PLEKHJ1: variants seen among roughly 807,000 people sequenced by gnomAD.
PLEKHJ1 encodes the protein pleckstrin homology domain containing J1, also known as pleckstrin homology domain-containing family J member 1.
Under a neutral mutation model 21.7 loss-of-function variants are expected in PLEKHJ1, and 20 were observed. The observed-to-expected ratio is 0.92, with a 90% CI of 0.65 to 1.34. The LOEUF (loss-of-function observed/expected upper bound fraction) is 1.34. Ranked by LOEUF, PLEKHJ1 falls within the 40% of genes most tolerant of loss-of-function variation. The pLI, the probability that PLEKHJ1 is intolerant of heterozygous loss-of-function variation, is 0.00. For synonymous variants in PLEKHJ1, 113 were observed against 80.6 expected, an observed-to-expected ratio of 1.40 and a Z score of -2.15; for missense variants, 241 against 202.0, an observed-to-expected ratio of 1.19 and a Z score of -1.17.
rs1431881378 is a variant in PLEKHJ1, at chr19:2,234,151, T to C, written c.319A>G (p.Ser107Gly). Residue 107 changes from serine to glycine, a missense_variant and splice_region_variant, in exon 4 of 6, where the codon AGC becomes GGC. Transcript: ENST00000326631. ...GTGCCCACCACCGCCTGGCCCCACC[T>C]GGCCCGACGCAGAGCCTCCATCCAC... ...QEWMEALRRASYEFMRRSLIF... is the reference protein window; with the variant it reads ...QEWMEALRRAGYEFMRRSLIF... 1.2e-6 allele frequency: 2 copies of C among 1,612,374 alleles called. No homozygotes were observed. The highest frequency in any genetic ancestry group is 1.3e-5 in the African/African-American group (1 of 75,042).
chr19:2,233,649 G>A lies in PLEKHJ1; in HGVS notation c.*191C>T, dbSNP rs1349261993. ...CGCTACTTGGGAAGCTGAGGCAGGA[G>A]GATCACTTGAGTCCAGAAGGTCAAG... On this transcript the variant is annotated 3_prime_UTR_variant, in exon 6 of 6. Transcript: ENST00000326631. 13 of 584,098 alleles carry A rather than the reference G, an allele frequency of 2.2e-5. No individual in the cohort carries two copies. The highest frequency in any genetic ancestry group is 1.4e-4 in the East Asian group (5 of 35,240). The allele number at this position is 584,098 out of a possible 1,614,324, so 36.2% of individuals were successfully genotyped here.
chr19:2,235,959 C>T lies in PLEKHJ1; in HGVS notation c.126G>A (p.Val42=), dbSNP rs1599647287. The change falls in exon 2 of 6, where the codon GTG becomes GTA. Residue 42 remains valine, a synonymous_variant. Coordinates refer to ENST00000326631, the MANE Select transcript of PLEKHJ1 (RefSeq NM_018049.3). ...CTGTCCGAAAGTAGAAGAGGAAATTCACCACCAGCTTCACCAGCCGCCGCT... is the reference window on the plus strand; with the variant it reads ...CTGTCCGAAAGTAGAAGAGGAAATTTACCACCAGCTTCACCAGCCGCCGCT... ...VLKRRLVKLV[V]NFLFYFRTDE... 6.2e-7 allele frequency: 1 copy of T among 1,610,412 alleles called. No individual in the cohort carries two copies. The highest frequency in any genetic ancestry group is 8.5e-7 in the Non-Finnish European group (1 of 1,179,068).
chr19:2,235,727 CG>C (rs1568385411), intron 3 of PLEKHJ1, 34 bp downstream of exon 3: 1 of 1,533,264 alleles, frequency 6.5e-7, no homozygotes, highest in East Asian at 2.5e-5. Flanking sequence ...CCCCGGGCTG[CG>C]GGAAGCGCCG....
At chr19:2,232,291 A>C (rs1344623854), downstream of PLEKHJ1, 2 of 206,582 alleles carry the variant, frequency 9.7e-6, no homozygotes, top group Non-Finnish European at 2.0e-5. Context: ...CCCTTAATTT[A>C]TCTGCCCCCA....
downstream of PLEKHJ1, among the ~76,000 whole-genome samples, chr19:2,232,946 A>AG (rs2024665238): frequency 6.6e-6 from 1 of 152,100 alleles, no homozygotes; most frequent in South Asian, 2.1e-4. Flanking sequence ...GCAGGACCCC[A>AG]GGTCACCACA....
chr19:2,234,870 C>T (rs1040296946), intron 3 of PLEKHJ1: 4 of 152,226 alleles, frequency 2.6e-5, no homozygotes, highest in Non-Finnish European at 4.4e-5. Context: ...CATGGTGGCG[C>T]GTGCCTGTAG....
At chr19:2,230,070 A>T (rs2024532256), downstream of PLEKHJ1, 3 of 601,368 alleles carry the variant, frequency 5.0e-6, no homozygotes, top group Admixed American at 3.1e-5. Flanking sequence ...CAACTTATTG[A>T]GAAATATAAA....
downstream of PLEKHJ1, chr19:2,232,496 G>A (rs2024649324): frequency 4.5e-6 from 1 of 221,856 alleles, no homozygotes; most frequent in East Asian, 6.5e-5. Flanking sequence ...CCCCTGGGCT[G>A]CAGGCGCCCC....
In PLEKHJ1 at chr19:2,233,566, C is replaced by A; in HGVS notation, c.*274G>T. On this transcript the variant is annotated 3_prime_UTR_variant, in exon 6 of 6. Transcript: ENST00000326631. ...GCTTTGGATGTCTCCAAACCAAAAA[C>A]CTCCCACTGAAAATCCAGGTGTGAT... 1 of 532,070 alleles carries A rather than the reference C, an allele frequency of 1.9e-6. No individual in the cohort carries two copies. Among genetic ancestry groups the A allele is most frequent in the Non-Finnish European group, 3.3e-6 (1 of 301,020 alleles). 33.0% of individuals were successfully genotyped at this position (532,070 alleles called of 1,614,324 possible).
At chr19:2,234,275 C>T in intron 3 of PLEKHJ1, 35 bp from the exon 4 acceptor site, 2 of 1,496,308 alleles carry the variant, frequency 1.3e-6, no homozygotes, top group Non-Finnish European at 1.9e-6. Context: ...GTCCTACCCA[C>T]AGCCACAAGC....
At chr19:2,235,877 G>T (rs370759769) in intron 2 of PLEKHJ1, 46 bp downstream of exon 2, 39 of 1,591,010 alleles carry the variant, frequency 2.5e-5, no homozygotes, top group Non-Finnish European at 3.3e-5. Flanking sequence ...CCCGGCCTCC[G>T]AGGGGCCCAG....
rs1265572587 is a variant in PLEKHJ1 at position 2,235,539 on chromosome 19, G to A, written c.229+223C>T. ...CCACAGGGAACAAAGAGCAGAGTCTGGGAGGGACCCAAGCTTAAGTGGACT... is the reference window on the plus strand; with the variant it reads ...CCACAGGGAACAAAGAGCAGAGTCTAGGAGGGACCCAAGCTTAAGTGGACT... On this transcript the variant is annotated intron_variant, in intron 3 of 5. Coordinates refer to ENST00000326631, the MANE Select transcript of PLEKHJ1 (RefSeq NM_018049.3). 6.9e-6 allele frequency: 4 copies of A among 582,722 alleles called. No homozygotes were observed. The Admixed American group carries it at 1.2e-4, about 18-fold the overall frequency. The allele number at this position is 582,722 out of a possible 1,614,324, so 36.1% of individuals were successfully genotyped here. A position where few individuals can be genotyped will look rare whatever the true frequency, so the allele number is the denominator to read the frequency against.
rs1298082435 is a variant in PLEKHJ1, at chr19:2,235,826, G to A, written c.165C>T (p.Pro55=). Residue 55 remains proline, a splice_region_variant and synonymous_variant, in exon 3 of 6, where the codon CCC becomes CCT. Coordinates refer to ENST00000326631, the MANE Select transcript of PLEKHJ1 (RefSeq NM_018049.3). ...LFYFRTDEAE[P]VGALLLERCR... ...AGCGCTCCAGCAGCAGGGCTCCGAC[G>A]GGCTGGAGGAGACACGGGCGCCGGG... The A allele has an allele frequency of 8.4e-6, 13 of 1,556,758 alleles. No individual in the cohort carries two copies. Among genetic ancestry groups the A allele is most frequent in the Non-Finnish European group, 1.0e-5 (12 of 1,150,812 alleles).
At chr19:2,231,313 G>A (rs1266741990), downstream of PLEKHJ1, 1 of 218,018 alleles carries the variant, frequency 4.6e-6, no homozygotes, top group Non-Finnish European at 9.2e-6. Flanking sequence ...CACCCTCCAG[G>A]GAGCTGCCAG....
Position 2,233,796 on chromosome 19 carries a change from G to A in PLEKHJ1, c.*44C>T, listed in dbSNP as rs917819163. 3.9e-6 allele frequency: 6 copies of A among 1,538,352 alleles called. No individual in the cohort carries two copies. The highest frequency in any genetic ancestry group is 1.9e-5 in the Admixed American group (1 of 52,270). ...TGGCCAAGCGATTCATGGCTGGGCA[G>A]GGCCAGTCCCGTCCCGCTGCACGCT... On this transcript the variant is annotated 3_prime_UTR_variant, in exon 6 of 6. Transcript: ENST00000326631.
chr19:2,236,257 G>A lies in PLEKHJ1; in HGVS notation c.-9C>T, dbSNP rs2024810864. On this transcript the variant is annotated 5_prime_UTR_variant, in exon 1 of 6. Coordinates refer to ENST00000326631, the MANE Select transcript of PLEKHJ1 (RefSeq NM_018049.3). The stretch of plus-strand genomic sequence containing the variant: ...TTCTCGTTGTACCGCATGGCTCCGC[G>A]GGGAACGGGAACCCGGGCCGCGCCC... The A allele has an allele frequency of 4.3e-6, 6 of 1,381,014 alleles. No homozygotes were observed. In the South Asian group the frequency reaches 6.5e-5, roughly 15 times the overall value. 85.5% of individuals were successfully genotyped at this position (1,381,014 alleles called of 1,614,324 possible).
downstream of PLEKHJ1, chr19:2,230,595 G>A (rs551812077): frequency 3.5e-5 from 14 of 398,696 alleles, no homozygotes; most frequent in Admixed American, 3.1e-4. Context: ...CAGGCCTGTC[G>A]TGGGTCCCTT....
chr19:2,236,055 C>A, intron 1 of PLEKHJ1, 65 bp from the exon 2 acceptor site: 1 of 1,474,452 alleles, frequency 6.8e-7, no homozygotes, highest in South Asian at 1.4e-5. Context: ...CTCCCGTCCC[C>A]GGCGCCCCGA....
intron 3 of PLEKHJ1, 55 bp downstream of exon 3, chr19:2,235,707 G>A (rs2024784664): frequency 1.3e-6 from 2 of 1,488,928 alleles, no homozygotes; most frequent in Middle Eastern, 2.3e-4. Flanking sequence ...AAAGTGCGGC[G>A]CTGCGGGTGC....
Sources: gnomAD v4.1 joint callset for allele counts (sites outside exome capture counted in the v4.1 genomes callset) on GRCh38, gnomAD v4.1.1 for gene constraint, MANE v1.5 for transcripts, NCBI Gene and HGNC (gene_info 2026-07-23, HGNC 2026-07-21) for gene names.